Variants in CACNA1C observed in about 807,000 individuals in gnomAD.
CACNA1C encodes the protein calcium voltage-gated channel subunit alpha1 C, also known as voltage-dependent L-type calcium channel subunit alpha-1C.
A neutral mutation model predicts 229.0 loss-of-function variants in CACNA1C; 30 were observed. The observed-to-expected ratio is 0.13, with a 90% CI of 0.10 to 0.18. CACNA1C has a LOEUF of 0.18. Ranked by LOEUF, CACNA1C falls within the 10% of genes least tolerant of loss-of-function variation. CACNA1C has a pLI of 1.00. For synonymous variants in CACNA1C, 1,114 were observed against 1,132.5 expected (o/e 0.98, Z 0.33); for missense variants, 1,658 against 2,845.0 (o/e 0.58, Z 9.49).
At chr12:2,187,543 A>T (rs2097078321) in intron 3 of CACNA1C, among the ~76,000 whole-genome samples, 1 of 152,160 alleles carries the variant, frequency 6.6e-6, no homozygotes, top group Non-Finnish European at 1.5e-5. Context: ...TAGTTTGTTC[A>T]TTCCTGGGAG....
intron 3 of CACNA1C, among the ~76,000 whole-genome samples, chr12:2,355,168 C>A (rs188617491): frequency 1.3e-5 from 2 of 152,186 alleles, no homozygotes; most frequent in African/African-American, 4.8e-5. Flanking sequence ...TCCAACATTG[C>A]CAGGTCAGAG....
At chr12:2,306,274 T>C (rs1053575665) in intron 3 of CACNA1C, among the ~76,000 whole-genome samples, 1 of 152,154 alleles carries the variant, frequency 6.6e-6, no homozygotes, top group African/African-American at 2.4e-5. Flanking sequence ...AAGCAGTGAG[T>C]GAGCAGATCA....
intron 3 of CACNA1C, among the ~76,000 whole-genome samples, chr12:2,162,134 TCCTGTCTA>T (rs1444413799): frequency 1.3e-5 from 2 of 152,134 alleles, no homozygotes; most frequent in African/African-American, 4.8e-5. Context: ...GCCTAACTGC[TCCTGTCTA>T]CCTGTCTACC....
rs1566165783 is a variant in CACNA1C at position 2,177,634 on chromosome 12, C to CTT, written c.477+57205_477+57206insTT. On this transcript the variant is annotated intron_variant, in intron 3 of 46. Coordinates refer to ENST00000399655, the MANE Select transcript of CACNA1C (RefSeq NM_000719.7). ...CTTCCTTCCTTCCTTCCTTCTCTCTCTCTTTCTTTCTTTCTTTCTTTTTCT... is the reference window on the plus strand; with the variant it reads ...CTTCCTTCCTTCCTTCCTTCTCTCTCTTTCTTTCTTTCTTTCTTTCTTTTTCT... 0.011 allele frequency among the ~76,000 whole-genome samples: 1,290 copies of CTT among 112,902 alleles called. 111 individuals carry two copies. The East Asian group carries it at 0.18, about 16-fold the overall frequency. The allele number at this position is 112,902 out of a possible 152,430, so 74.1% of individuals were successfully genotyped here.
chr12:2,572,835 T>G, intron 13 of CACNA1C, among the ~76,000 whole-genome samples: 1 of 111,002 alleles, frequency 9.0e-6, no homozygotes. Context: ...CCCCTCCTCC[T>G]TCTCTTCCTC....
intron 9 of CACNA1C, among the ~76,000 whole-genome samples, chr12:2,516,425 G>T (rs766376647): frequency 6.6e-6 from 1 of 152,136 alleles, no homozygotes. Context: ...GAAGCAACAC[G>T]ATCTGACAGA....
chr12:2,336,460 AT>A (rs3831600), intron 3 of CACNA1C, among the ~76,000 whole-genome samples: 70,703 of 151,936 alleles, frequency 0.47, 18,984 homozygotes, highest in Non-Finnish European at 0.6. Flanking sequence ...ACTCTCTGGT[AT>A]TGTGAATCTG....
At chr12:2,453,537 C>T (rs554961046) in intron 4 of CACNA1C, among the ~76,000 whole-genome samples, 2 of 152,224 alleles carry the variant, frequency 1.3e-5, no homozygotes, top group African/African-American at 2.4e-5. Context: ...CAGAAATCAC[C>T]CTGCACGCCC....
intron 3 of CACNA1C, among the ~76,000 whole-genome samples, chr12:2,210,845 G>A (rs1435603111): frequency 6.6e-6 from 1 of 152,098 alleles, no homozygotes; most frequent in Non-Finnish European, 1.5e-5. Flanking sequence ...TTGAAGCTAG[G>A]TGCAGTATCA....
At position 2,053,055 on chromosome 12, in the gene CACNA1C, C is replaced by G. The variant is rs1195595920; in HGVS notation, c.-508C>G. The G allele has an allele frequency of 1.0e-6, 1 of 983,466 alleles. No individual in the cohort carries two copies. 60.9% of individuals were successfully genotyped at this position (983,466 alleles called of 1,614,324 possible). ...GGCGCTCGGCGCGGCGCGGCGGGCC[C>G]GGAGCGGCGGCGGCGGCTCTTCCTG... is the stretch of plus-strand genomic sequence containing the variant. On this transcript the variant is annotated 5_prime_UTR_variant, in exon 1 of 47. Coordinates refer to ENST00000399655, the MANE Select transcript of CACNA1C (RefSeq NM_000719.7). This position sits in a 1 kb window ranked among gnomAD's most constrained non-coding sequence, Gnocchi z 5.8.
intron 3 of CACNA1C, among the ~76,000 whole-genome samples, chr12:2,443,676 C>T (rs1463961028): frequency 6.6e-6 from 1 of 152,180 alleles, no homozygotes; most frequent in Non-Finnish European, 1.5e-5. Context: ...CCTCTGGCTT[C>T]AGAGTTCAGG....
intron 7 of CACNA1C, among the ~76,000 whole-genome samples, chr12:2,497,969 TCA>T (rs3058710): frequency 0.16 from 22,498 of 143,576 alleles, 2,309 homozygotes; most frequent in African/African-American, 0.31. Context: ...TCTATTAAAT[TCA>T]CACACACACA....
intron 3 of CACNA1C, among the ~76,000 whole-genome samples, chr12:2,340,936 G>A (rs1458754990): frequency 2.0e-5 from 3 of 150,264 alleles, no homozygotes; most frequent in Non-Finnish European, 2.9e-5. Context: ...CAGCCTGGGC[G>A]ACAGAGTGAG....
intron 2 of CACNA1C, among the ~76,000 whole-genome samples, chr12:2,115,867 C>T (rs951847118): frequency 1.3e-5 from 2 of 152,250 alleles, no homozygotes; most frequent in African/African-American, 4.8e-5. Flanking sequence ...GAAATATCAT[C>T]TCCTGTAGCT....
At chr12:2,074,794 G>A (rs1242775357) in intron 1 of CACNA1C, among the ~76,000 whole-genome samples, 2 of 152,198 alleles carry the variant, frequency 1.3e-5, no homozygotes, top group Non-Finnish European at 2.9e-5. Flanking sequence ...CCCTGAAGCT[G>A]TCAGCTAATG....
intron 30 of CACNA1C, 48 bp downstream of exon 30, chr12:2,634,428 T>C: frequency 1.1e-6 from 1 of 883,012 alleles, no homozygotes; most frequent in Non-Finnish European, 1.7e-6. Context: ...GCTCTAACAC[T>C]CATTTGCCTT....
rs1003179100 is a variant in CACNA1C, at chr12:2,575,532, T to C, written c.1896-6058T>C. Among the ~76,000 whole-genome samples, 3 of 152,132 alleles carry C rather than the reference T, an allele frequency of 2.0e-5. No individual in the cohort carries two copies. Among genetic ancestry groups the C allele is most frequent in the Non-Finnish European group, 4.4e-5 (3 of 68,024 alleles). On this transcript the variant is annotated intron_variant, in intron 13 of 46. Transcript: ENST00000399655. This position sits in a 1 kb window ranked among gnomAD's most constrained non-coding sequence, Gnocchi z 4.0. ...GGTGGCCTCAGCCAATTCTCACTCCTCTTCACTCCATTGCCTCCCATGAAG... is the reference window on the plus strand; with the variant it reads ...GGTGGCCTCAGCCAATTCTCACTCCCCTTCACTCCATTGCCTCCCATGAAG...
At chr12:2,447,235 G>T (rs1375112516) in intron 3 of CACNA1C, among the ~76,000 whole-genome samples, 1 of 152,150 alleles carries the variant, frequency 6.6e-6, no homozygotes, top group East Asian at 1.9e-4. Flanking sequence ...GACTTTAAAA[G>T]ATTGGAGCTT....
At chr12:2,245,092 G>A (rs1478612293) in intron 3 of CACNA1C, among the ~76,000 whole-genome samples, 2 of 152,192 alleles carry the variant, frequency 1.3e-5, no homozygotes, top group East Asian at 3.8e-4. Flanking sequence ...AGAGGAGCAG[G>A]CAAGACAGAA....
Sources: gnomAD v4.1 joint callset for allele counts (sites outside exome capture counted in the v4.1 genomes callset) on GRCh38, gnomAD v4.1.1 for gene constraint, Gnocchi (gnomAD v3.1) non-coding constraint, MANE v1.5 for transcripts, NCBI Gene and HGNC (gene_info 2026-07-23, HGNC 2026-07-21) for gene names.